The following NBAS variants were observed in gnomAD, a reference collection of about 807,000 sequenced individuals.
The protein encoded by NBAS is NAG/BC035112 fusion.
NBAS carries 219 observed loss-of-function variants against 302.5 expected under a neutral mutation model. The ratio of observed to expected loss-of-function variants is 0.72; its 90% confidence interval spans 0.65 to 0.81. The LOEUF (loss-of-function observed/expected upper bound fraction) is 0.81, where lower values mean the gene tolerates loss of function less well. Among genes scored for constraint, NBAS ranks in the 30% least tolerant of loss-of-function variants. The pLI, the probability that NBAS is intolerant of heterozygous loss-of-function variation, is 0.00. For synonymous variants in NBAS, 1,118 were observed against 1,021.6 expected (o/e 1.09, Z -1.80); for missense variants, 2,932 against 2,841.6 (o/e 1.03, Z -0.72).
At chr2:14,822,952 C>A in the NBAS span, among the ~76,000 whole-genome samples, 1 of 152,184 alleles carries the variant, frequency 6.6e-6, no homozygotes, top group Non-Finnish European at 1.5e-5. Flanking sequence ...CTAGAGAGAG[C>A]AAATGACTTT....
intron 48 of NBAS, among the ~76,000 whole-genome samples, chr2:15,200,465 G>A (rs1053870424): frequency 2.6e-5 from 4 of 151,994 alleles, no homozygotes; most frequent in African/African-American, 9.7e-5. Context: ...CAGTGAACAA[G>A]AAAGTAACAT....
At chr2:15,087,139 A>G in the NBAS span, among the ~76,000 whole-genome samples, 2 of 151,328 alleles carry the variant, frequency 1.3e-5, no homozygotes, top group Admixed American at 1.3e-4. Context: ...CCACACCATC[A>G]GCTCTCCTAG....
chr2:15,477,548 G>A (rs1036846518), intron 13 of NBAS, among the ~76,000 whole-genome samples: 19 of 152,048 alleles, frequency 1.2e-4, no homozygotes, highest in African/African-American at 3.4e-4. Flanking sequence ...CACCGCGCCC[G>A]GCATAAAAGC....
the NBAS span, among the ~76,000 whole-genome samples, chr2:14,933,053 G>A: frequency 3.3e-5 from 5 of 152,200 alleles, no homozygotes; most frequent in African/African-American, 1.2e-4. Context: ...ATAGTAAAGT[G>A]TGAAAGCTGC....
chr2:15,055,655 G>A, the NBAS span, among the ~76,000 whole-genome samples: 1 of 152,302 alleles, frequency 6.6e-6, no homozygotes, highest in South Asian at 2.1e-4. Context: ...CAGCAGAGCA[G>A]CCCAATGAGG....
At chr2:15,461,991 T>C (rs1233432666) in intron 19 of NBAS, among the ~76,000 whole-genome samples, 200 bp from the exon 20 acceptor site, 2 of 152,264 alleles carry the variant, frequency 1.3e-5, no homozygotes. Context: ...TAATAAATGT[T>C]ATTTTTTTAA....
At chr2:15,286,686 C>A (rs1334451997) in intron 42 of NBAS, among the ~76,000 whole-genome samples, 1 of 152,202 alleles carries the variant, frequency 6.6e-6, no homozygotes, top group Non-Finnish European at 1.5e-5. Context: ...CTAACTATGC[C>A]AAACCCTCCA....
the NBAS span, among the ~76,000 whole-genome samples, chr2:15,085,301 A>G: frequency 2.0e-5 from 3 of 151,732 alleles, no homozygotes; most frequent in East Asian, 3.9e-4. Flanking sequence ...CCACCCCACC[A>G]AGGGTGCCGT....
In NBAS at chr2:15,394,242, C is replaced by G. The variant is rs1169906413; in HGVS notation, c.3242G>C (p.Arg1081Thr). The change falls in exon 28 of 52, where the codon AGG becomes ACG. Residue 1081 changes from arginine (R) to threonine (T), a missense_variant. Physicochemically the swap from Arg to Thr is moderately conservative, Grantham distance 71. Transcript: ENST00000281513. ...TATTACTCACTTCCGGCCAGTGTGCCTCGTCAATCTAACCATCAGCTTGCG... is the reference window on the plus strand; with the variant it reads ...TATTACTCACTTCCGGCCAGTGTGCGTCGTCAATCTAACCATCAGCTTGCG... ...EARKLMVRLT[R>T]HTGRKQPPVS... 6.2e-7 allele frequency: 1 copy of G among 1,609,724 alleles called. No homozygotes were observed. Among genetic ancestry groups the G allele is most frequent in the Non-Finnish European group, 8.5e-7 (1 of 1,177,536 alleles).
At chr2:14,789,140 T>A in the NBAS span, among the ~76,000 whole-genome samples, 4 of 152,228 alleles carry the variant, frequency 2.6e-5, no homozygotes, top group African/African-American at 9.6e-5. Flanking sequence ...CTGAGCCATG[T>A]GCGGGATATA....
intron 29 of NBAS, 84 bp downstream of exon 29, chr2:15,383,131 T>C (rs186945837): frequency 6.9e-6 from 8 of 1,162,300 alleles, no homozygotes; most frequent in African/African-American, 1.5e-5. Context: ...CAGGGTAGCT[T>C]ATGGTCATCA....
chr2:15,380,759 C>T (rs1056343603), intron 29 of NBAS, among the ~76,000 whole-genome samples: 1 of 152,130 alleles, frequency 6.6e-6, no homozygotes, highest in Non-Finnish European at 1.5e-5. Context: ...ACTTCCCTGT[C>T]ACTCTACGGT....
At chr2:15,432,005 A>G (rs1302925803) in intron 21 of NBAS, among the ~76,000 whole-genome samples, 2 of 152,128 alleles carry the variant, frequency 1.3e-5, no homozygotes, top group East Asian at 3.8e-4. Context: ...AAATTCAGAG[A>G]AAACCCTTTT....
intron 48 of NBAS, 146 bp from the exon 49 acceptor site, chr2:15,190,549 A>G: frequency 1.1e-6 from 1 of 909,480 alleles, no homozygotes; most frequent in South Asian, 1.6e-5. Flanking sequence ...ACCACCTCAA[A>G]AGCTCTAAGC....
chr2:15,441,199 A>G (rs1374273438), intron 21 of NBAS, among the ~76,000 whole-genome samples: 1 of 152,178 alleles, frequency 6.6e-6, no homozygotes, highest in Admixed American at 6.5e-5. Flanking sequence ...CAAGACACAT[A>G]ATTGTCAGAT....
the NBAS span, among the ~76,000 whole-genome samples, chr2:14,958,548 A>T: frequency 3.8e-3 from 580 of 152,232 alleles, 15 homozygotes; most frequent in Admixed American, 0.029. Context: ...TATTAGAGGG[A>T]TGAGAAATGA....
chr2:15,295,940 AAAAAGG>A (rs1670530570), intron 40 of NBAS, among the ~76,000 whole-genome samples: 1 of 152,202 alleles, frequency 6.6e-6, no homozygotes, highest in Non-Finnish European at 1.5e-5. Context: ...CCAAAAAAAA[AAAAAGG>A]TATTTTAAAG....
chr2:14,908,756 G>T, the NBAS span, among the ~76,000 whole-genome samples: 1 of 152,140 alleles, frequency 6.6e-6, no homozygotes, highest in East Asian at 1.9e-4. Context: ...GCATTTTTGT[G>T]AGTCTGCCAA....
chr2:14,803,022 T>G, the NBAS span, among the ~76,000 whole-genome samples: 2 of 151,678 alleles, frequency 1.3e-5, no homozygotes, highest in Non-Finnish European at 2.9e-5. Flanking sequence ...ACATGTACCC[T>G]AAAACTTAAA....
Sources: allele counts gnomAD v4.1 joint callset (sites outside exome capture counted in the v4.1 genomes callset), GRCh38; gene constraint gnomAD v4.1.1; transcripts MANE v1.5; gene names NCBI Gene and HGNC (gene_info 2026-07-23, HGNC 2026-07-21).